Variants in ST6GALNAC5 observed in about 807,000 individuals in gnomAD.
ST6GALNAC5 encodes alpha-N-acetylgalactosaminide alpha-2,6-sialyltransferase 5.
In ST6GALNAC5, 27 loss-of-function variants were observed where a neutral mutation model predicts 33.6. The observed-to-expected ratio is 0.80, with a 90% CI of 0.59 to 1.11. The LOEUF is 1.11. Ranked by LOEUF, ST6GALNAC5 falls within the 50% of genes least tolerant of loss-of-function variation. The probability of loss-of-function intolerance (pLI) is 0.00; values close to 1 mark genes in which losing one functional copy is unlikely to be tolerated. For missense variants in ST6GALNAC5, 428 were observed against 454.0 expected (o/e 0.94, Z 0.52); for synonymous variants, 194 against 171.2 (o/e 1.13, Z -1.04).
chr1:76,938,876 A>C (rs945451142), intron 2 of ST6GALNAC5, among the ~76,000 whole-genome samples: 20 of 152,096 alleles, frequency 1.3e-4, no homozygotes, highest in African/African-American at 4.8e-4. Context: ...ATAACATTCC[A>C]AATATTATTA....
Position 76,912,909 on chromosome 1 carries a change from TC to T in ST6GALNAC5, c.261+44169del, listed in dbSNP as rs1646929446. On this transcript the variant is annotated intron_variant, in intron 2 of 4. Coordinates refer to ENST00000477717, the MANE Select transcript of ST6GALNAC5 (RefSeq NM_030965.3). ...TGTGTCTTTTAATTGGAGCATTTAGTCCATTTACATTTAAAGTTAATATTGT... is the reference window on the plus strand; with the variant it reads ...TGTGTCTTTTAATTGGAGCATTTAGTCATTTACATTTAAAGTTAATATTGT... Among the ~76,000 whole-genome samples, 3 of 151,320 alleles carry T rather than the reference TC, an allele frequency of 2.0e-5. No homozygotes were observed. In the South Asian group the frequency reaches 6.2e-4, roughly 31 times the overall value.
At chr1:76,965,666 T>A (rs1290091493) in intron 2 of ST6GALNAC5, among the ~76,000 whole-genome samples, 2 of 152,198 alleles carry the variant, frequency 1.3e-5, no homozygotes, top group Non-Finnish European at 2.9e-5. Context: ...GATGTTTTAG[T>A]CATGAAGTCC....
At chr1:77,050,226 C>T (rs1652174366) in intron 3 of ST6GALNAC5, 32 bp from the exon 4 acceptor site, 1 of 1,591,704 alleles carries the variant, frequency 6.3e-7, no homozygotes, top group Admixed American at 1.7e-5. Context: ...GTTACTTTAC[C>T]AGCTTGCAGA....
At chr1:76,975,448 CA>C (rs1378581854) in intron 2 of ST6GALNAC5, among the ~76,000 whole-genome samples, 14 of 152,126 alleles carry the variant, frequency 9.2e-5, no homozygotes, top group Admixed American at 5.2e-4. Context: ...TTTAATTCAG[CA>C]GGGTGAGAAT....
At chr1:77,016,676 A>G (rs1028259014) in intron 2 of ST6GALNAC5, among the ~76,000 whole-genome samples, 10 of 152,100 alleles carry the variant, frequency 6.6e-5, no homozygotes, top group Non-Finnish European at 1.5e-4. Context: ...GCCTCTTTGT[A>G]TGTCACTCAA....
rs1570746773 is a variant in ST6GALNAC5, at chr1:76,992,583, C to T, written c.262-51621C>T. Among the ~76,000 whole-genome samples, 4 of 152,310 alleles carry T rather than the reference C, an allele frequency of 2.6e-5. No homozygotes were observed. In the South Asian group the frequency reaches 8.3e-4, roughly 32 times the overall value. On this transcript the variant is annotated intron_variant, in intron 2 of 4. Coordinates refer to ENST00000477717, the MANE Select transcript of ST6GALNAC5 (RefSeq NM_030965.3). ...AATCTCAGCTCACTGCAACCTCTGC[C>T]TCCCAGGCTCAAGCTGTCCTGCCAC...
chr1:76,987,254 A>C (rs1486457183), intron 2 of ST6GALNAC5, among the ~76,000 whole-genome samples: 2 of 152,146 alleles, frequency 1.3e-5, no homozygotes, highest in Non-Finnish European at 2.9e-5. Flanking sequence ...ACAAAGACAA[A>C]TAACTCAATT....
Position 76,868,573 on chromosome 1 carries a change from G to A in ST6GALNAC5, c.92G>A (p.Gly31Asp). 6.2e-7 allele frequency: 1 copy of A among 1,612,998 alleles called. No individual in the cohort carries two copies. Among genetic ancestry groups the A allele is most frequent in the Non-Finnish European group, 8.5e-7 (1 of 1,179,610 alleles). Reference protein sequence around the residue: ...SLLLVYSSLGGQKERPPQQQQ... With the variant: ...SLLLVYSSLGDQKERPPQQQQ... ...TTGCTAGTGTACAGCAGCCTCGGCG[G>A]CCAGAAGGAGCGGCCCCCGCAGCAG... The change falls in exon 2 of 5, where the codon GGC becomes GAC. Residue 31 changes from glycine (G) to aspartate (D), a missense_variant. By Grantham distance (94) the Gly-to-Asp change is moderately conservative. Transcript: ENST00000477717. The surrounding 1 kb of genome is among the most constrained non-coding windows in gnomAD (Gnocchi z 4.3).
At chr1:76,943,228 G>A (rs1647398429) in intron 2 of ST6GALNAC5, among the ~76,000 whole-genome samples, 3 of 152,068 alleles carry the variant, frequency 2.0e-5, no homozygotes, top group Non-Finnish European at 4.4e-5. Flanking sequence ...AGAAACTGAG[G>A]TAAAGTTACT....
intron 2 of ST6GALNAC5, among the ~76,000 whole-genome samples, chr1:76,877,426 G>A (rs1219174341): frequency 1.3e-5 from 2 of 152,186 alleles, no homozygotes; most frequent in African/African-American, 4.8e-5. Context: ...ATGGGCCAGA[G>A]TGACACACTC....
intron 2 of ST6GALNAC5, among the ~76,000 whole-genome samples, chr1:77,019,229 C>A (rs1322140650): frequency 6.6e-6 from 1 of 152,180 alleles, no homozygotes; most frequent in Non-Finnish European, 1.5e-5. Context: ...ACACTGAAAA[C>A]ACATCTTCTC....
At chr1:76,952,387 A>C (rs1647785249) in intron 2 of ST6GALNAC5, among the ~76,000 whole-genome samples, 1 of 152,166 alleles carries the variant, frequency 6.6e-6, no homozygotes, top group South Asian at 2.1e-4. Context: ...GTAGGTAATT[A>C]GATTTATGTA....
At chr1:76,989,677 G>T (rs573840260) in intron 2 of ST6GALNAC5, among the ~76,000 whole-genome samples, 1 of 152,176 alleles carries the variant, frequency 6.6e-6, no homozygotes, top group Admixed American at 6.6e-5. Flanking sequence ...CCAGTGCAAA[G>T]GTTCTTCTTT....
chr1:76,969,834 G>A (rs1198511788), intron 2 of ST6GALNAC5, among the ~76,000 whole-genome samples: 1 of 152,286 alleles, frequency 6.6e-6, no homozygotes, highest in East Asian at 1.9e-4. Context: ...TCCAGAGGAA[G>A]GATTGGGCAG....
At chr1:76,881,724 T>C (rs1354067052) in intron 2 of ST6GALNAC5, among the ~76,000 whole-genome samples, 2 of 152,212 alleles carry the variant, frequency 1.3e-5, no homozygotes, top group African/African-American at 4.8e-5. Context: ...TCTAACCATT[T>C]GGAGTTACTG....
At chr1:76,973,318 G>A (rs1648838569) in intron 2 of ST6GALNAC5, among the ~76,000 whole-genome samples, 1 of 151,994 alleles carries the variant, frequency 6.6e-6, no homozygotes, top group Non-Finnish European at 1.5e-5. Flanking sequence ...CTGAAGGATG[G>A]CCTGGCAGGT....
intron 2 of ST6GALNAC5, among the ~76,000 whole-genome samples, chr1:76,963,840 GA>G (rs1302040318): frequency 1.3e-5 from 2 of 152,134 alleles, no homozygotes; most frequent in East Asian, 3.9e-4. Flanking sequence ...TTGAGATGGG[GA>G]GATAATCCTG....
intron 2 of ST6GALNAC5, among the ~76,000 whole-genome samples, chr1:77,040,873 C>A (rs1651809105): frequency 6.6e-6 from 1 of 152,146 alleles, no homozygotes; most frequent in South Asian, 2.1e-4. Context: ...TACACAGAAC[C>A]TCAGGGGTGT....
At chr1:77,029,169 A>G (rs1200944299) in intron 2 of ST6GALNAC5, among the ~76,000 whole-genome samples, 1 of 152,228 alleles carries the variant, frequency 6.6e-6, no homozygotes, top group Non-Finnish European at 1.5e-5. Context: ...ACTGTATTTT[A>G]GAAAGAACAC....
Sources: allele counts gnomAD v4.1 joint callset (sites outside exome capture counted in the v4.1 genomes callset), GRCh38; gene constraint gnomAD v4.1.1; non-coding constraint Gnocchi (gnomAD v3.1); transcripts MANE v1.5; gene names NCBI Gene and HGNC (gene_info 2026-07-23, HGNC 2026-07-21).